Variants in ZIC1 observed in about 807,000 individuals in gnomAD.
The protein encoded by ZIC1 is zinc finger protein ZIC 1.
In ZIC1, 4 loss-of-function variants were observed where a neutral mutation model predicts 30.9. The ratio of observed to expected loss-of-function variants is 0.13; its 90% CI spans 0.06 to 0.30. The LOEUF (loss-of-function observed/expected upper bound fraction) is 0.30, where lower values mean the gene tolerates loss of function less well. Among genes scored for constraint, ZIC1 ranks in the 10% least tolerant of loss-of-function variants. ZIC1 has a pLI of 1.00. For synonymous variants in ZIC1, 305 were observed against 277.5 expected, an observed-to-expected ratio of 1.10 and a Z score of -0.98; for missense variants, 441 against 639.3, an observed-to-expected ratio of 0.69 and a Z score of 3.34.
At chr3:147,411,211 C>CGGCA (rs1313593029) in intron 1 of ZIC1, 117 bp downstream of exon 1, 4 of 1,403,834 alleles carry the variant, frequency 2.8e-6, no homozygotes. Context: ...CGTCAGGTTC[C>CGGCA]GGCAGGCAGG....
chr3:147,410,227 C>A lies in ZIC1; in HGVS notation c.115C>A (p.Pro39Thr), dbSNP rs769020115. 1 of 1,601,648 alleles carries A rather than the reference C, an allele frequency of 6.2e-7. No homozygotes were observed. The highest frequency in any genetic ancestry group is 1.1e-5 in the South Asian group (1 of 91,064). ...ACGAGACGTGGGCCTGGGCATCAAC[C>A]CGTTCGCCGACGGCATGGGCGCCTT... is the stretch of plus-strand genomic sequence containing the variant. Reference protein sequence around the residue: ...AERDVGLGINPFADGMGAFKL... With the variant: ...AERDVGLGINTFADGMGAFKL... The change falls in exon 1 of 3, where the codon CCG becomes ACG. Residue 39 changes from proline to threonine, a missense_variant. Pro to Thr is a conservative substitution (Grantham distance 38). Coordinates refer to ENST00000282928, the MANE Select transcript of ZIC1 (RefSeq NM_003412.4).
In ZIC1 at chr3:147,413,722, C is replaced by T; in HGVS notation, c.*171C>T. ...GGACGAGTAAGAGAGGAAGCATCAACCTTTTAAAAATTTCCTTTCGCTTTC... is the reference window on the plus strand; with the variant it reads ...GGACGAGTAAGAGAGGAAGCATCAATCTTTTAAAAATTTCCTTTCGCTTTC... On this transcript the variant is annotated 3_prime_UTR_variant, in exon 3 of 3. Coordinates refer to ENST00000282928, the MANE Select transcript of ZIC1 (RefSeq NM_003412.4). The T allele has an allele frequency of 1.4e-6, 1 of 705,058 alleles. No individual in the cohort carries two copies. The highest frequency in any genetic ancestry group is 3.6e-5 in the South Asian group (1 of 27,428). 43.7% of individuals were successfully genotyped at this position (705,058 alleles called of 1,614,324 possible).
Position 147,410,861 on chromosome 3 carries a change from A to G in ZIC1, c.749A>G (p.His250Arg). 2 of 1,614,268 alleles carry G rather than the reference A, an allele frequency of 1.2e-6. No homozygotes were observed. Among genetic ancestry groups the G allele is most frequent in the Non-Finnish European group, 1.7e-6 (2 of 1,180,040 alleles). Residue 250 changes from histidine to arginine, a missense_variant, in exon 1 of 3, where the codon CAC (histidine) becomes CGC (arginine). By Grantham distance (29) the His-to-Arg change is conservative. Transcript: ENST00000282928. ...TGCAACAAAACTTTCAGCACCATGCACGAGCTAGTTACGCACGTCACCGTG... is the reference window on the plus strand; with the variant it reads ...TGCAACAAAACTTTCAGCACCATGCGCGAGCTAGTTACGCACGTCACCGTG... Reference protein sequence around the residue: ...KSCNKTFSTMHELVTHVTVEH... With the variant: ...KSCNKTFSTMRELVTHVTVEH...
rs2087362287 is a variant in ZIC1, at chr3:147,410,583, C to T, written c.471C>T (p.Asn157=). ...AGGCTGCCGGCCACGCGTCGCCTAACGTGGTCAACGGGCAGATGAGGCTCG... is the reference window on the plus strand; with the variant it reads ...AGGCTGCCGGCCACGCGTCGCCTAATGTGGTCAACGGGCAGATGAGGCTCG... ...HEQAAGHASP[N]VVNGQMRLGF... The change falls in exon 1 of 3, where the codon AAC becomes AAT. Residue 157 remains asparagine, a synonymous_variant. Coordinates refer to ENST00000282928, the MANE Select transcript of ZIC1 (RefSeq NM_003412.4). The T allele has an allele frequency of 1.2e-6, 2 of 1,613,134 alleles. No individual in the cohort carries two copies. Among genetic ancestry groups the T allele is most frequent in the South Asian group, 1.1e-5 (1 of 91,046 alleles).
rs1203925075 is a variant in ZIC1, at chr3:147,410,572, G to A, written c.460G>A (p.Ala154Thr). The A allele has an allele frequency of 3.1e-6, 5 of 1,612,012 alleles. No individual in the cohort carries two copies. The highest frequency in any genetic ancestry group is 4.2e-6 in the Non-Finnish European group (5 of 1,179,572). The change falls in exon 1 of 3, where the codon GCG becomes ACG. Residue 154 changes from alanine to threonine, a missense_variant. Physicochemically the swap from Ala to Thr is moderately conservative, Grantham distance 58. Around this residue, in one of 5 missense-constraint regions of ZIC1, gnomAD observed 307 missense variants for 355.3 expected, o/e 0.86. Coordinates refer to ENST00000282928, the MANE Select transcript of ZIC1 (RefSeq NM_003412.4). ...GCTTCACGAGCAGGCTGCCGGCCAC[G>A]CGTCGCCTAACGTGGTCAACGGGCA... ...PGLHEQAAGH[A>T]SPNVVNGQMR...
chr3:147,412,101 G>A (rs1416018483), intron 1 of ZIC1, among the ~76,000 whole-genome samples: 1 of 152,042 alleles, frequency 6.6e-6, no homozygotes, highest in African/African-American at 2.4e-5. Context: ...CAGGGGATGC[G>A]GAGCGTCGGG....
rs184650735 is a variant in ZIC1 at position 147,412,374 on chromosome 3, G to A, written c.983-144G>A. On this transcript the variant is annotated intron_variant, in intron 1 of 2. Transcript: ENST00000282928. ...TCCACTGCAGATGTAAGAATTTATT[G>A]ACGTTCCGGGTTTTTAAGCTTGCAA... 741 of 850,460 alleles carry A rather than the reference G, an allele frequency of 8.7e-4. 9 individuals carry two copies. In the South Asian group the frequency reaches 0.011, roughly 13 times the overall value. 52.7% of individuals were successfully genotyped at this position (850,460 alleles called of 1,614,324 possible). A position where few individuals can be genotyped will look rare whatever the true frequency, so the allele number is the denominator to read the frequency against.
rs752012580 is a variant in ZIC1, at chr3:147,410,367, C to T, written c.255C>T (p.His85=). ...TGGGCCATCACCATCACCCGGGCCA[C>T]GTCGGCTCCTATTCCAGCGCAGCCT... The part of the protein sequence containing the change: ...AALGHHHHPG[H]VGSYSSAAFN... Residue 85 remains histidine (H), a synonymous_variant, in exon 1 of 3, where the codon CAC becomes CAT. Transcript: ENST00000282928. 6.2e-7 allele frequency: 1 copy of T among 1,601,452 alleles called. No individual in the cohort carries two copies. Among genetic ancestry groups the T allele is most frequent in the Non-Finnish European group, 8.5e-7 (1 of 1,179,580 alleles).
rs2087404059 is a variant in ZIC1, at chr3:147,413,695, C to T, written c.*144C>T. Reference sequence around the variant, plus strand: ...TTTTTAAAAAATCTGCCAATAGACCCAGGACGAGTAAGAGAGGAAGCATCA... The same window carrying T: ...TTTTTAAAAAATCTGCCAATAGACCTAGGACGAGTAAGAGAGGAAGCATCA... On this transcript the variant is annotated 3_prime_UTR_variant, in exon 3 of 3. Transcript: ENST00000282928. The T allele has an allele frequency of 1.1e-6, 1 of 894,594 alleles. No homozygotes were observed. Among genetic ancestry groups the T allele is most frequent in the Non-Finnish European group, 1.6e-6 (1 of 623,706 alleles). 55.4% of individuals were successfully genotyped at this position (894,594 alleles called of 1,614,324 possible).
intron 1 of ZIC1, 141 bp downstream of exon 1, chr3:147,411,235 C>G (rs2087374145): frequency 1.7e-6 from 2 of 1,203,342 alleles, no homozygotes; most frequent in Middle Eastern, 2.0e-4. Flanking sequence ...GGAAAGTGTG[C>G]GCTGATTTTT....
At chr3:147,412,821 G>T in intron 2 of ZIC1, 140 bp downstream of exon 2, 1 of 1,074,694 alleles carries the variant, frequency 9.3e-7, no homozygotes, top group East Asian at 2.5e-5. Context: ...AGTGGAACTG[G>T]GCAGAGAAGG....
At position 147,409,873 on chromosome 3, in the gene ZIC1, T is replaced by A. The variant is rs1258888669; in HGVS notation, c.-240T>A. ...AATCTGCCTGGCGGGCGCTGGAGCCTGCGTTACTCGCGGCCCGCAGCCGTC... is the reference window on the plus strand; with the variant it reads ...AATCTGCCTGGCGGGCGCTGGAGCCAGCGTTACTCGCGGCCCGCAGCCGTC... On this transcript the variant is annotated 5_prime_UTR_variant, in exon 1 of 3. Transcript: ENST00000282928. 2 of 509,098 alleles carry A rather than the reference T, an allele frequency of 3.9e-6. No homozygotes were observed. The highest frequency in any genetic ancestry group is 6.8e-6 in the Non-Finnish European group (2 of 294,074). The allele number at this position is 509,098 out of a possible 1,614,324, so 31.5% of individuals were successfully genotyped here. A position where few individuals can be genotyped will look rare whatever the true frequency, so the allele number is the denominator to read the frequency against.
At chr3:147,413,330 A>G (rs758709776) in intron 2 of ZIC1, 24 bp from the exon 3 acceptor site, 1 of 1,606,968 alleles carries the variant, frequency 6.2e-7, no homozygotes, top group South Asian at 1.1e-5. Flanking sequence ...TTATGTCCGT[A>G]AAAACGCGAC....
rs1350289815 is a variant in ZIC1 at position 147,410,356 on chromosome 3, C to T, written c.244C>T (p.His82Tyr). 1 of 1,600,902 alleles carries T rather than the reference C, an allele frequency of 6.2e-7. No homozygotes were observed. The highest frequency in any genetic ancestry group is 8.5e-7 in the Non-Finnish European group (1 of 1,179,530). The change falls in exon 1 of 3, where the codon CAC becomes TAC. Residue 82 changes from histidine (H) to tyrosine (Y), a missense_variant. Physicochemically the swap from His to Tyr is moderately conservative, Grantham distance 83. Transcript: ENST00000282928. Reference protein sequence around the residue: ...AAAAALGHHHHPGHVGSYSSA... With the variant: ...AAAAALGHHHYPGHVGSYSSA... ...TGCTGCGGCCCTGGGCCATCACCAT[C>T]ACCCGGGCCACGTCGGCTCCTATTC...
rs2107994672 is a variant in ZIC1 at position 147,413,356 on chromosome 3, C to T, written c.1149C>T (p.Val383=). Residue 383 remains valine (V), a splice_region_variant and synonymous_variant, in exon 3 of 3, where the codon GTC becomes GTT. Coordinates refer to ENST00000282928, the MANE Select transcript of ZIC1 (RefSeq NM_003412.4). The stretch of plus-strand genomic sequence containing the variant: ...AAAACGCGACTTTATTCCTGCAGGT[C>T]CACGAATCCTCCTCGCAGGGCTCGC... The part of the protein sequence containing the change: ...HPSSLRKHMK[V]HESSSQGSQP... 4 of 1,612,606 alleles carry T rather than the reference C, an allele frequency of 2.5e-6. No homozygotes were observed. In the South Asian group the frequency reaches 3.3e-5, roughly 13 times the overall value.
At chr3:147,412,198 C>A (rs2087387376) in intron 1 of ZIC1, among the ~76,000 whole-genome samples, 1 of 152,046 alleles carries the variant, frequency 6.6e-6, no homozygotes, top group Non-Finnish European at 1.5e-5. Context: ...CAGGTGGAAG[C>A]AATCCGAAAT....
In ZIC1 at chr3:147,409,742, T is replaced by A; in HGVS notation, c.-371T>A. On this transcript the variant is annotated 5_prime_UTR_variant, in exon 1 of 3. Coordinates refer to ENST00000282928, the MANE Select transcript of ZIC1 (RefSeq NM_003412.4). ...CTATGCTACAAATCCAGGAGGAAGT[T>A]TTTTTTTAGGGGGCTGAGATGCTCC... 4.2e-6 allele frequency: 1 copy of A among 240,938 alleles called. No individual in the cohort carries two copies. Among genetic ancestry groups the A allele is most frequent in the Non-Finnish European group, 7.9e-6 (1 of 125,806 alleles). The allele number at this position is 240,938 out of a possible 1,614,324, so 14.9% of individuals were successfully genotyped here.
rs1291109924 is a variant in ZIC1, at chr3:147,410,096, C to A, written c.-17C>A. On this transcript the variant is annotated 5_prime_UTR_variant, in exon 1 of 3. Coordinates refer to ENST00000282928, the MANE Select transcript of ZIC1 (RefSeq NM_003412.4). ...GGGGGGGGCGGGGGAGGCCGGGGCT[C>A]GCCCCGAGCAGCCACGATGCTCCTG... 6.8e-7 allele frequency: 1 copy of A among 1,477,572 alleles called. No homozygotes were observed. The highest frequency in any genetic ancestry group is 8.9e-7 in the Non-Finnish European group (1 of 1,124,344). 91.5% of individuals were successfully genotyped at this position (1,477,572 alleles called of 1,614,324 possible).
At position 147,416,028 on chromosome 3, in the gene ZIC1, T is replaced by C. The variant is rs1035731970; in HGVS notation, c.*2477T>C. The C allele has an allele frequency of 2.0e-5, 3 of 152,238 alleles. No individual in the cohort carries two copies. The highest frequency in any genetic ancestry group is 4.8e-5 in the African/African-American group (2 of 41,456). 9.4% of individuals were successfully genotyped at this position (152,238 alleles called of 1,614,324 possible). A position where few individuals can be genotyped will look rare whatever the true frequency, so the allele number is the denominator to read the frequency against. ...TTTTTTCATGAAAAGAGCGCCACCTTGCAAGGTTTAGTGAGATTTATGGAA... is the reference window on the plus strand; with the variant it reads ...TTTTTTCATGAAAAGAGCGCCACCTCGCAAGGTTTAGTGAGATTTATGGAA... On this transcript the variant is annotated 3_prime_UTR_variant, in exon 3 of 3. Coordinates refer to ENST00000282928, the MANE Select transcript of ZIC1 (RefSeq NM_003412.4).
Sources: allele counts gnomAD v4.1 joint callset (sites outside exome capture counted in the v4.1 genomes callset), GRCh38; gene constraint gnomAD v4.1.1; regional missense constraint gnomAD v4.1.1; transcripts MANE v1.5; gene names NCBI Gene and HGNC (gene_info 2026-07-23, HGNC 2026-07-21).